Variants in CYP3A7 observed in about 807,000 individuals in gnomAD.
CYP3A7 encodes cytochrome P450 family 3 subfamily A member 7, also known as cytochrome P450 3A7.
Under a neutral mutation model 55.2 loss-of-function variants are expected in CYP3A7, and 45 were observed. That is an observed-to-expected ratio of 0.82 (90% CI 0.64 to 1.05). CYP3A7 has a LOEUF of 1.05. Among genes scored for constraint, CYP3A7 ranks in the 50% least tolerant of loss-of-function variants. The pLI, the probability that CYP3A7 is intolerant of heterozygous loss-of-function variation, is 0.00. For missense variants in CYP3A7, 548 were observed against 605.3 expected (o/e 0.91, Z 0.99); for synonymous variants, 180 against 207.4 (o/e 0.87, Z 1.13).
At chr7:99,732,257 T>C (rs1814655716) in intron 1 of CYP3A7, among the ~76,000 whole-genome samples, 2 of 152,168 alleles carry the variant, frequency 1.3e-5, no homozygotes, top group African/African-American at 4.8e-5. Flanking sequence ...TCTGCCTGCT[T>C]CTTTTTCACC....
At chr7:99,712,325 G>A (rs191386665) in intron 9 of CYP3A7, among the ~76,000 whole-genome samples, 1 of 152,312 alleles carries the variant, frequency 6.6e-6, no homozygotes, top group South Asian at 2.1e-4. Context: ...ATTGTATTCT[G>A]TTACCATGAA....
At chr7:99,715,992 A>C in intron 6 of CYP3A7, 86 bp from the exon 7 acceptor site, 1 of 1,609,994 alleles carries the variant, frequency 6.2e-7, no homozygotes, top group Non-Finnish European at 8.5e-7. Flanking sequence ...CCACATGTCC[A>C]GTCAAGACAG....
chr7:99,723,299 C>A (rs1213240301), intron 2 of CYP3A7, among the ~76,000 whole-genome samples: 1 of 152,194 alleles, frequency 6.6e-6, no homozygotes, highest in Non-Finnish European at 1.5e-5. Context: ...CCTGCCCCAA[C>A]TGATCGATTG....
At chr7:99,712,256 T>A (rs1813774765) in intron 9 of CYP3A7, among the ~76,000 whole-genome samples, 1 of 152,176 alleles carries the variant, frequency 6.6e-6, no homozygotes, top group East Asian at 1.9e-4. Context: ...TCAACAGAGC[T>A]GTGATTTACC....
intron 7 of CYP3A7, among the ~76,000 whole-genome samples, chr7:99,715,165 A>G (rs988219681): frequency 3.9e-5 from 6 of 152,248 alleles, no homozygotes; most frequent in African/African-American, 7.2e-5. Flanking sequence ...TAAGCAACCA[A>G]TAAGTTGAAG....
intron 2 of CYP3A7, among the ~76,000 whole-genome samples, chr7:99,723,305 G>T (rs1045576942): frequency 6.6e-6 from 1 of 152,074 alleles, no homozygotes; most frequent in South Asian, 2.1e-4. Flanking sequence ...CCAACTGATC[G>T]ATTGATCGAC....
At chr7:99,716,018 C>T in intron 6 of CYP3A7, 112 bp from the exon 7 acceptor site, 1 of 1,594,112 alleles carries the variant, frequency 6.3e-7, no homozygotes, top group African/African-American at 1.3e-5. Context: ...CAGCCACAGA[C>T]TTTCAGAACT....
chr7:99,727,964 G>A (rs574818160), intron 2 of CYP3A7, among the ~76,000 whole-genome samples: 1 of 152,282 alleles, frequency 6.6e-6, no homozygotes, highest in Non-Finnish European at 1.5e-5. Context: ...GTCATTCACT[G>A]CAAAGGCCAT....
chr7:99,707,694 C>T (rs115866163), intron 12 of CYP3A7, 118 bp downstream of exon 12: 2 of 1,502,722 alleles, frequency 1.3e-6, no homozygotes, highest in African/African-American at 1.4e-5. Flanking sequence ...AAATAGATTC[C>T]TTGGCCCATA....
intron 2 of CYP3A7, among the ~76,000 whole-genome samples, chr7:99,724,897 C>T (rs1814347309): frequency 1.3e-5 from 2 of 152,064 alleles, no homozygotes; most frequent in African/African-American, 4.8e-5. Flanking sequence ...ACTGAAATGT[C>T]ATCCTGACCT....
At chr7:99,708,004 G>T in intron 11 of CYP3A7, 30 bp from the exon 12 acceptor site, 2 of 1,613,478 alleles carry the variant, frequency 1.2e-6, no homozygotes, top group Non-Finnish European at 1.7e-6. Flanking sequence ...TATTTTAAAA[G>T]TTAAAGACAT....
At chr7:99,720,215 GCA>G in intron 4 of CYP3A7, 96 bp downstream of exon 4, 1 of 1,471,612 alleles carries the variant, frequency 6.8e-7, no homozygotes, top group Non-Finnish European at 9.3e-7. Context: ...GAACCTTCCT[GCA>G]CAGTTTTTAG....
chr7:99,723,633 C>T (rs138408057), intron 2 of CYP3A7, among the ~76,000 whole-genome samples: 243 of 152,252 alleles, frequency 1.6e-3, no homozygotes, highest in African/African-American at 5.2e-3. Context: ...CCCCTGTCCT[C>T]GCCCTCACTC....
Position 99,724,001 on chromosome 7 carries a change from T to C in CYP3A7, c.166-1653A>G, listed in dbSNP as rs545183232. Among the ~76,000 whole-genome samples, 251 of 152,218 alleles carry C rather than the reference T, an allele frequency of 1.6e-3. 1 individual carries two copies. The highest frequency in any genetic ancestry group is 5.5e-3 in the African/African-American group (227 of 41,552). ...CATTCACCTTGGCACAAGTACCACCTCCCCTGGGTCACAAGTATCACCTTC... is the reference window on the plus strand; with the variant it reads ...CATTCACCTTGGCACAAGTACCACCCCCCCTGGGTCACAAGTATCACCTTC... On this transcript the variant is annotated intron_variant, in intron 2 of 12. Coordinates refer to ENST00000336374, the MANE Select transcript of CYP3A7 (RefSeq NM_000765.5).
chr7:99,715,711 T>A (rs779353034), intron 7 of CYP3A7, 47 bp downstream of exon 7: 1 of 1,613,000 alleles, frequency 6.2e-7, no homozygotes, highest in South Asian at 1.1e-5. Context: ...AATAAAGCAG[T>A]TATTTTTAAG....
At position 99,729,154 on chromosome 7, in the gene CYP3A7, C is replaced by T. The variant is rs1315091741; in HGVS notation, c.165+1905G>A. ...TCTTAGCTCCTCCCTATTCTTAGTC[C>T]TCTGGTACCTGTTTTTCTCCTTCTG... On this transcript the variant is annotated intron_variant, in intron 2 of 12. Transcript: ENST00000336374. 4.6e-5 allele frequency among the ~76,000 whole-genome samples: 7 copies of T among 152,256 alleles called. No individual in the cohort carries two copies. In the East Asian group the frequency reaches 1.4e-3, roughly 29 times the overall value.
intron 5 of CYP3A7, 38 bp downstream of exon 5, chr7:99,717,488 C>T (rs746863118): frequency 6.2e-7 from 1 of 1,610,952 alleles, no homozygotes; most frequent in East Asian, 2.2e-5. Context: ...CTGATTCATT[C>T]TTTAAGTTTC....
At chr7:99,727,635 T>G (rs1814465416) in intron 2 of CYP3A7, among the ~76,000 whole-genome samples, 2 of 152,174 alleles carry the variant, frequency 1.3e-5, no homozygotes, top group Admixed American at 1.3e-4. Context: ...TGATGGCAGT[T>G]CCACCAGGCC....
intron 2 of CYP3A7, among the ~76,000 whole-genome samples, chr7:99,729,410 C>T (rs1175936206): frequency 2.0e-5 from 3 of 152,104 alleles, no homozygotes; most frequent in African/African-American, 4.8e-5. Flanking sequence ...TGAGAAACAT[C>T]ATCCATTATC....
Sources: gnomAD v4.1 joint callset for allele counts (sites outside exome capture counted in the v4.1 genomes callset) on GRCh38, gnomAD v4.1.1 for gene constraint, MANE v1.5 for transcripts, NCBI Gene and HGNC (gene_info 2026-07-23, HGNC 2026-07-21) for gene names.